The following FBN2 variants were observed in gnomAD, a reference collection of about 807,000 sequenced individuals.
FBN2 encodes the protein fibrillin 2, also known as fibrillin-2.
Under a neutral mutation model 355.6 loss-of-function variants are expected in FBN2, and 105 were observed. That is an observed-to-expected ratio of 0.30 (90% confidence interval 0.25 to 0.35). FBN2 has a LOEUF of 0.35. FBN2 is among the 10% of genes least tolerant of loss of function. FBN2 has a pLI of 1.00. For synonymous variants in FBN2, 1,350 were observed against 1,301.2 expected (o/e 1.04, Z -0.81); for missense variants, 3,280 against 3,758.7 (o/e 0.87, Z 3.33).
rs577535536 is a variant in FBN2, at chr5:128,493,062, T to C, written c.628+26211A>G. Among the ~76,000 whole-genome samples the C allele has an allele frequency of 2.2e-4, 34 of 152,244 alleles. 1 individual carries two copies. The Middle Eastern group carries it at 0.024, about 107-fold the overall frequency. ...ATCTTAATTAGTAGAGATCTAGGGA[T>C]ACAAAGGCAAATAAAACATGACCAC... On this transcript the variant is annotated intron_variant, in intron 5 of 64. Transcript: ENST00000262464.
intron 34 of FBN2, among the ~76,000 whole-genome samples, chr5:128,324,183 C>A (rs778802193): frequency 3.3e-5 from 5 of 151,456 alleles, no homozygotes; most frequent in Non-Finnish European, 7.4e-5. Context: ...TCTTCTCTGT[C>A]TTCTTATTTG....
Position 128,537,795 on chromosome 5 carries a change from G to A in FBN2, c.-192C>T. On this transcript the variant is annotated 5_prime_UTR_variant, in exon 1 of 65. Transcript: ENST00000262464. ...GGCCCCCTGACTGCCCGCGAAGCGA[G>A]ACGCGGGGCGCCGGGTCTAGCGCAG... The A allele has an allele frequency of 1.6e-6, 1 of 627,572 alleles. No individual in the cohort carries two copies. Among genetic ancestry groups the A allele is most frequent in the Non-Finnish European group, 2.8e-6 (1 of 360,384 alleles). 38.9% of individuals were successfully genotyped at this position (627,572 alleles called of 1,614,324 possible). A position where few individuals can be genotyped will look rare whatever the true frequency, so the allele number is the denominator to read the frequency against.
At chr5:128,512,331 G>GA (rs1756152635) in intron 5 of FBN2, among the ~76,000 whole-genome samples, 1 of 151,962 alleles carries the variant, frequency 6.6e-6, no homozygotes, top group Non-Finnish European at 1.5e-5. Context: ...GGCCAACGTG[G>GA]CAAAACCCCA....
intron 7 of FBN2, among the ~76,000 whole-genome samples, chr5:128,426,185 C>T (rs1317180617): frequency 6.6e-6 from 1 of 152,110 alleles, no homozygotes; most frequent in Non-Finnish European, 1.5e-5. Flanking sequence ...TGTGGCTGAA[C>T]CTCATTAGGA....
chr5:128,288,695 G>C, intron 52 of FBN2, 138 bp from the exon 53 acceptor site: 2 of 957,812 alleles, frequency 2.1e-6, no homozygotes, highest in Non-Finnish European at 3.3e-6. Context: ...CTTGGGCCTT[G>C]GCTGGCTGGC....
At position 128,530,588 on chromosome 5, in the gene FBN2, A is replaced by C. The variant is rs761700671; in HGVS notation, c.436+7T>G. 1 of 1,586,206 alleles carries C rather than the reference A, an allele frequency of 6.3e-7. No individual in the cohort carries two copies. Among genetic ancestry groups the C allele is most frequent in the Non-Finnish European group, 8.7e-7 (1 of 1,154,720 alleles). ...TGCAGTGAAAAGGCCACAAGTAAGA[A>C]ACATACTTGATTTTGATCCACAGGT... On this transcript the variant is annotated splice_region_variant and intron_variant, in intron 3 of 64. Coordinates refer to ENST00000262464, the MANE Select transcript of FBN2 (RefSeq NM_001999.4).
At chr5:128,394,383 TTAA>T (rs1752594182) in intron 9 of FBN2, among the ~76,000 whole-genome samples, 1 of 152,150 alleles carries the variant, frequency 6.6e-6, no homozygotes, top group African/African-American at 2.4e-5. Context: ...CACAGCGTAG[TTAA>T]TGAGAGCCAT....
At chr5:128,328,347 T>C (rs1750607827) in intron 34 of FBN2, 2 of 537,242 alleles carry the variant, frequency 3.7e-6, no homozygotes, top group African/African-American at 1.9e-5. Flanking sequence ...CAATAAATAG[T>C]GGTAGTTGAG....
At chr5:128,302,910 T>C (rs748449088) in intron 46 of FBN2, 63 bp downstream of exon 46, 259 of 990,144 alleles carry the variant, frequency 2.6e-4, no homozygotes, top group Non-Finnish European at 3.8e-4. Flanking sequence ...AGTTTTGTTT[T>C]TTATTTCAGC....
intron 6 of FBN2, among the ~76,000 whole-genome samples, chr5:128,462,076 T>C (rs1342294600): frequency 6.6e-6 from 1 of 151,964 alleles, no homozygotes; most frequent in African/African-American, 2.4e-5. Context: ...ACAGCTACTC[T>C]GTTTACTACA....
At chr5:128,286,269 G>A (rs924802383) in intron 55 of FBN2, among the ~76,000 whole-genome samples, 3 of 152,124 alleles carry the variant, frequency 2.0e-5, no homozygotes, top group Admixed American at 6.5e-5. Flanking sequence ...TATGACACAT[G>A]TAATTCAGAA....
intron 8 of FBN2, among the ~76,000 whole-genome samples, chr5:128,396,947 T>TA (rs1752666320): frequency 6.6e-6 from 1 of 152,210 alleles, no homozygotes; most frequent in African/African-American, 2.4e-5. Context: ...GAGTTTAAAG[T>TA]AAGCACATTA....
rs201217125 is a variant in FBN2 at position 128,408,854 on chromosome 5, T to C, written c.953-55A>G. On this transcript the variant is annotated intron_variant, in intron 7 of 64. Coordinates refer to ENST00000262464, the MANE Select transcript of FBN2 (RefSeq NM_001999.4). The stretch of plus-strand genomic sequence containing the variant: ...GAGAAAGGCCTTCATTAAATAGCTT[T>C]TAAAAGAGATTTTTTTTTTAAGAGT... 389 of 1,606,000 alleles carry C rather than the reference T, an allele frequency of 2.4e-4. 4 individuals carry two copies. The Middle Eastern group carries it at 4.0e-3, about 16-fold the overall frequency.
In FBN2 at chr5:128,276,145, G is replaced by C. The variant is rs1255465932; in HGVS notation, c.7487C>G (p.Ser2496Cys). 2.5e-6 allele frequency: 4 copies of C among 1,613,620 alleles called. No homozygotes were observed. The highest frequency in any genetic ancestry group is 3.4e-6 in the Non-Finnish European group (4 of 1,179,754). The change falls in exon 59 of 65, where the codon TCC becomes TGC. Residue 2496 changes from serine (S) to cysteine (C), a missense_variant. This residue lies in a region of FBN2 where 2,284 missense variants were observed against 2,749.5 expected (regional missense o/e 0.83). Coordinates refer to ENST00000262464, the MANE Select transcript of FBN2 (RefSeq NM_001999.4). Reference sequence around the variant, plus strand: ...GTAGTTGCATGGTTTCGGGGACTGGGAGCATTCATCAAGGTCTAAGTAAAA... The same window carrying C: ...GTAGTTGCATGGTTTCGGGGACTGGCAGCATTCATCAAGGTCTAAGTAAAA... ...GTSCIDLDEC[S>C]QSPKPCNYIC...
rs1206313642 is a variant in FBN2, at chr5:128,521,593, A to G, written c.533-2225T>C. Among the ~76,000 whole-genome samples, 3 of 152,216 alleles carry G rather than the reference A, an allele frequency of 2.0e-5. 1 individual carries two copies. The highest frequency in any genetic ancestry group is 4.1e-4 in the South Asian group (2 of 4,832). ...TAAAAAGATGCACTGCAAAATACTA[A>G]GTCCAAAGTAATGTGATCAATTAAA... On this transcript the variant is annotated intron_variant, in intron 4 of 64. Transcript: ENST00000262464.
intron 7 of FBN2, among the ~76,000 whole-genome samples, chr5:128,440,526 G>A (rs994122006): frequency 3.3e-5 from 5 of 152,026 alleles, no homozygotes; most frequent in Non-Finnish European, 7.4e-5. Flanking sequence ...TCACTATCAC[G>A]AGAACAGCAA....
chr5:128,412,850 T>C (rs1753107165), intron 7 of FBN2, among the ~76,000 whole-genome samples: 1 of 152,234 alleles, frequency 6.6e-6, no homozygotes. Flanking sequence ...GGACAGATGA[T>C]ATAATAGTCC....
At chr5:128,380,516 T>C (rs1415538814) in intron 11 of FBN2, among the ~76,000 whole-genome samples, 1 of 152,050 alleles carries the variant, frequency 6.6e-6, no homozygotes, top group Non-Finnish European at 1.5e-5. Context: ...GGCAGCTCTG[T>C]CAGCTATTTT....
chr5:128,428,825 A>G (rs1414642363), intron 7 of FBN2, among the ~76,000 whole-genome samples: 2 of 152,174 alleles, frequency 1.3e-5, no homozygotes, highest in Non-Finnish European at 2.9e-5. Context: ...TTCTGGTATC[A>G]GTGTCATCTG....
Sources: allele counts gnomAD v4.1 joint callset (sites outside exome capture counted in the v4.1 genomes callset), GRCh38; gene constraint gnomAD v4.1.1; regional missense constraint gnomAD v4.1.1; transcripts MANE v1.5; gene names NCBI Gene and HGNC (gene_info 2026-07-23, HGNC 2026-07-21).